Variants in MYO3B observed in about 807,000 individuals in gnomAD.
MYO3B encodes the protein myosin IIIB.
MYO3B carries 156 observed loss-of-function variants against 174.6 expected under a neutral mutation model. The observed-to-expected ratio is 0.89, with a 90% CI of 0.78 to 1.02. MYO3B has a LOEUF of 1.02. MYO3B is among the 50% of genes least tolerant of loss of function. The probability of loss-of-function intolerance (pLI) is 0.00; values close to 1 mark genes in which losing one functional copy is unlikely to be tolerated. For synonymous variants in MYO3B, 563 were observed against 569.1 expected, an observed-to-expected ratio of 0.99 and a Z score of 0.15; for missense variants, 1,632 against 1,639.4, an observed-to-expected ratio of 1.00 and a Z score of 0.08.
chr2:170,433,254 C>A (rs917446755), intron 22 of MYO3B, among the ~76,000 whole-genome samples: 4 of 151,536 alleles, frequency 2.6e-5, no homozygotes, highest in Admixed American at 6.6e-5. Flanking sequence ...GTGTGTCAAC[C>A]AAAACAAAAC....
At chr2:170,180,741 T>G (rs1218999577) in intron 1 of MYO3B, among the ~76,000 whole-genome samples, 1 of 152,202 alleles carries the variant, frequency 6.6e-6, no homozygotes, top group Non-Finnish European at 1.5e-5. Context: ...GAGTTTCCTG[T>G]GTAGCCTTCT....
chr2:170,462,794 C>G lies in MYO3B; in HGVS notation c.2731-574C>G, dbSNP rs545073492. Among the ~76,000 whole-genome samples the G allele has an allele frequency of 2.3e-3, 354 of 152,342 alleles. 2 individuals carry two copies. Among genetic ancestry groups the G allele is most frequent in the African/African-American group, 8.0e-3 (331 of 41,582 alleles). On this transcript the variant is annotated intron_variant, in intron 23 of 34. Coordinates refer to ENST00000408978, the MANE Select transcript of MYO3B (RefSeq NM_138995.5). ...ATCAATCAGTTCCTTTCAGTCAGCCCAGGTAGTTGGGATAGATATTGAGAA... is the reference window on the plus strand; with the variant it reads ...ATCAATCAGTTCCTTTCAGTCAGCCGAGGTAGTTGGGATAGATATTGAGAA...
chr2:170,401,682 A>G lies in MYO3B; in HGVS notation c.2120A>G (p.Glu707Gly). 6.2e-7 allele frequency: 1 copy of G among 1,613,690 alleles called. No homozygotes were observed. The highest frequency in any genetic ancestry group is 8.5e-7 in the Non-Finnish European group (1 of 1,179,968). ...ATTAATACACTCCTGCAGCCAGACG[A>G]AAACATATGGCAAGTTCCTCGGAGA... ...NRINTLLQPD[E>G]NICSAGGGMN... is the part of the protein sequence containing the mutation. Residue 707 changes from glutamate to glycine, a missense_variant, in exon 18 of 35, where the codon GAA becomes GGA. Coordinates refer to ENST00000408978, the MANE Select transcript of MYO3B (RefSeq NM_138995.5).
At chr2:170,501,182 TTC>T (rs1201560474) in intron 27 of MYO3B, among the ~76,000 whole-genome samples, 4 of 152,100 alleles carry the variant, frequency 2.6e-5, no homozygotes, top group Non-Finnish European at 2.9e-5. Flanking sequence ...CCTTCCTCTT[TTC>T]TCTCTTTTTC....
At chr2:170,368,494 T>C (rs1341442197) in intron 8 of MYO3B, among the ~76,000 whole-genome samples, 2 of 152,234 alleles carry the variant, frequency 1.3e-5, no homozygotes, top group Non-Finnish European at 1.5e-5. Flanking sequence ...AATCATTGCT[T>C]TGAAAAGGAT....
intron 17 of MYO3B, 90 bp downstream of exon 17, chr2:170,400,404 T>C: frequency 4.4e-6 from 3 of 682,116 alleles, no homozygotes; most frequent in Non-Finnish European, 6.0e-6. Flanking sequence ...TGCTGGTCCT[T>C]TTTTTTTTTT....
At chr2:170,491,550 C>T (rs1405946225) in intron 25 of MYO3B, among the ~76,000 whole-genome samples, 1 of 152,134 alleles carries the variant, frequency 6.6e-6, no homozygotes, top group Non-Finnish European at 1.5e-5. Flanking sequence ...CTCAGCCTCC[C>T]GAGTAGCTGG....
At chr2:170,606,560 A>T (rs2106352762) in intron 32 of MYO3B, among the ~76,000 whole-genome samples, 1 of 152,336 alleles carries the variant, frequency 6.6e-6, no homozygotes. Context: ...CACTAGAATG[A>T]ATGAAATCTC....
At chr2:170,610,650 C>G (rs963070618) in intron 32 of MYO3B, among the ~76,000 whole-genome samples, 1 of 152,162 alleles carries the variant, frequency 6.6e-6, no homozygotes, top group Non-Finnish European at 1.5e-5. Context: ...TGGAATGTAT[C>G]TGTGCTAATT....
rs540996733 is a variant in MYO3B at position 170,603,109 on chromosome 2, C to A, written c.3734-48519C>A. Reference sequence around the variant, plus strand: ...AAAAAACAAAAAAAAACTTCTAAACCTTCATAAACTTTATTTTCCTAAAAT... The same window carrying A: ...AAAAAACAAAAAAAAACTTCTAAACATTCATAAACTTTATTTTCCTAAAAT... On this transcript the variant is annotated intron_variant, in intron 32 of 34. Coordinates refer to ENST00000408978, the MANE Select transcript of MYO3B (RefSeq NM_138995.5). Among the ~76,000 whole-genome samples, 5 of 152,092 alleles carry A rather than the reference C, an allele frequency of 3.3e-5. No homozygotes were observed. The South Asian group carries it at 1.0e-3, about 32-fold the overall frequency.
At chr2:170,321,958 A>T (rs1050637303) in intron 7 of MYO3B, among the ~76,000 whole-genome samples, 8 of 151,984 alleles carry the variant, frequency 5.3e-5, no homozygotes, top group African/African-American at 1.9e-4. Flanking sequence ...TACTAAAAAT[A>T]CCAAAATTAG....
intron 6 of MYO3B, among the ~76,000 whole-genome samples, chr2:170,228,274 C>A (rs72885675): frequency 2.0e-5 from 3 of 152,176 alleles, no homozygotes; most frequent in African/African-American, 7.2e-5. Flanking sequence ...CATGAACCAA[C>A]TGTGTGATTT....
chr2:170,505,240 T>C (rs1687551693), intron 28 of MYO3B, among the ~76,000 whole-genome samples: 1 of 151,866 alleles, frequency 6.6e-6, no homozygotes, highest in Admixed American at 6.6e-5. Flanking sequence ...GCAAAGGTAT[T>C]GTCTATCAGT....
In MYO3B at chr2:170,620,338, T is replaced by G. The variant is rs187672082; in HGVS notation, c.3734-31290T>G. Among the ~76,000 whole-genome samples, 6 of 152,348 alleles carry G rather than the reference T, an allele frequency of 3.9e-5. No homozygotes were observed. In the East Asian group the frequency reaches 1.2e-3, roughly 29 times the overall value. On this transcript the variant is annotated intron_variant, in intron 32 of 34. Transcript: ENST00000408978. ...ATTAATAAGAGTTTACTGTACTGGT[T>G]AAGAGTTCAATTCTAGAGACAGAGT...
chr2:170,601,541 AAGG>A (rs1180237838), intron 32 of MYO3B: 1 of 918,450 alleles, frequency 1.1e-6, no homozygotes, highest in Non-Finnish European at 1.7e-6. Flanking sequence ...TTTTATTTAA[AAGG>A]AGTGAGTTGT....
At chr2:170,464,976 C>G (rs542553949) in intron 24 of MYO3B, among the ~76,000 whole-genome samples, 1 of 152,136 alleles carries the variant, frequency 6.6e-6, no homozygotes, top group East Asian at 1.9e-4. Flanking sequence ...AAGCGATTCT[C>G]CTGCGTCAGC....
chr2:170,498,025 T>A (rs897580773), intron 25 of MYO3B, among the ~76,000 whole-genome samples: 2 of 151,536 alleles, frequency 1.3e-5, no homozygotes, highest in African/African-American at 4.8e-5. Flanking sequence ...ATCTGAAAGT[T>A]TAGAAGTTCA....
At chr2:170,625,716 C>T (rs1048204941) in intron 32 of MYO3B, among the ~76,000 whole-genome samples, 7 of 152,324 alleles carry the variant, frequency 4.6e-5, no homozygotes, top group African/African-American at 1.7e-4. Context: ...CCTCTACACA[C>T]TGCTTTAAAT....
chr2:170,221,883 T>A (rs6744902), intron 6 of MYO3B, among the ~76,000 whole-genome samples: 14,864 of 152,080 alleles, frequency 0.098, 1,738 homozygotes, highest in East Asian at 0.28. Flanking sequence ...TCAGAACAAT[T>A]TTTTATAAAC....
Sources: allele counts gnomAD v4.1 joint callset (sites outside exome capture counted in the v4.1 genomes callset), GRCh38; gene constraint gnomAD v4.1.1; transcripts MANE v1.5; gene names NCBI Gene and HGNC (gene_info 2026-07-23, HGNC 2026-07-21).